Variants in HMCN2 observed in about 807,000 individuals in gnomAD.
The protein encoded by HMCN2 is hemicentin-2.
HMCN2 carries 325 observed loss-of-function variants against 377.5 expected under a neutral mutation model. That is an observed-to-expected ratio of 0.86 (90% CI 0.79 to 0.94). The LOEUF is 0.94. HMCN2 is among the 40% of genes least tolerant of loss of function. The pLI is 0.00. For missense variants in HMCN2, 4,543 were observed against 4,725.3 expected, an observed-to-expected ratio of 0.96 and a Z score of 1.13; for synonymous variants, 2,007 against 2,046.8, an observed-to-expected ratio of 0.98 and a Z score of 0.53.
intron 15 of HMCN2, among the ~76,000 whole-genome samples, chr9:130,312,610 TTCTTTC>T (rs1375624373): frequency 1.1e-4 from 11 of 99,188 alleles, no homozygotes; most frequent in South Asian, 4.4e-4. Flanking sequence ...CTTTCTTTCT[TTCTTTC>T]TCTGTCTCTC....
At chr9:130,395,428 AG>A in intron 71 of HMCN2, 81 bp downstream of exon 71, 1 of 1,178,026 alleles carries the variant, frequency 8.5e-7, no homozygotes, top group Non-Finnish European at 1.1e-6. Flanking sequence ...TCCAAGATCC[AG>A]AGCGGGTGCC....
intron 16 of HMCN2, among the ~76,000 whole-genome samples, 170 bp from the exon 17 acceptor site, chr9:130,320,186 A>C (rs963749407): frequency 2.6e-5 from 4 of 152,194 alleles, no homozygotes; most frequent in Non-Finnish European, 5.9e-5. Flanking sequence ...TCCAAGGTCC[A>C]GCGGTGTCCC....
intron 15 of HMCN2, among the ~76,000 whole-genome samples, chr9:130,317,772 C>G (rs1026116852): frequency 1.4e-5 from 2 of 141,864 alleles, no homozygotes; most frequent in Non-Finnish European, 3.1e-5. Flanking sequence ...GGCGACAGAG[C>G]GAGACTCTGT....
chr9:130,299,393 G>A, intron 8 of HMCN2, 105 bp downstream of exon 8: 1 of 361,370 alleles, frequency 2.8e-6, no homozygotes. Context: ...ATTAGAAAGT[G>A]TTTGTTCATT....
At chr9:130,315,191 TCCC>T (rs1837472676) in intron 15 of HMCN2, among the ~76,000 whole-genome samples, 1 of 5,482 alleles carries the variant, frequency 1.8e-4, no homozygotes, top group Non-Finnish European at 3.5e-4. Context: ...CCTTCCTCCC[TCCC>T]TCCCCTCCCT....
intron 25 of HMCN2, among the ~76,000 whole-genome samples, chr9:130,342,769 G>A (rs1470487777): frequency 2.0e-5 from 3 of 152,130 alleles, no homozygotes; most frequent in Admixed American, 6.5e-5. Flanking sequence ...GGCTGAGGCA[G>A]CCCGGGGTCC....
chr9:130,405,675 G>A (rs573647547), intron 81 of HMCN2, among the ~76,000 whole-genome samples: 1 of 152,260 alleles, frequency 6.6e-6, no homozygotes, highest in Non-Finnish European at 1.5e-5. Flanking sequence ...TGCAGGTCAA[G>A]TTCTGAGGAC....
rs917687112 is a variant in HMCN2, at chr9:130,361,837, A to G, written c.5951-171A>G. ...GAAGCCTCATGGTGGTGTTGAAAGG[A>G]TGGAAGTAGCAGCCTTGGGGGCAGT... On this transcript the variant is annotated intron_variant, in intron 38 of 97. Coordinates refer to ENST00000683500, the MANE Select transcript of HMCN2 (RefSeq NM_001291815.2). This position sits in a 1 kb window ranked among gnomAD's most constrained non-coding sequence, Gnocchi z 4.8. 1.3e-5 allele frequency among the ~76,000 whole-genome samples: 2 copies of G among 152,092 alleles called. No individual in the cohort carries two copies. Among genetic ancestry groups the G allele is most frequent in the African/African-American group, 4.8e-5 (2 of 41,392 alleles).
intron 89 of HMCN2, among the ~76,000 whole-genome samples, 161 bp from the exon 90 acceptor site, chr9:130,425,526 C>T (rs1045253504): frequency 6.6e-6 from 1 of 151,232 alleles, no homozygotes. Flanking sequence ...CCAAGGCTCA[C>T]CCCATCTTCT....
chr9:130,266,645 G>A (rs945262080), intron 1 of HMCN2, among the ~76,000 whole-genome samples: 6 of 152,224 alleles, frequency 3.9e-5, no homozygotes, highest in Non-Finnish European at 8.8e-5. Flanking sequence ...ACCCTGCAGT[G>A]GGGAGCGGAC....
In HMCN2 at chr9:130,338,015, G is replaced by C. The variant is rs1276470110; in HGVS notation, c.3481G>C (p.Val1161Leu). The C allele has an allele frequency of 2.6e-5, 4 of 152,584 alleles. No individual in the cohort carries two copies. Among genetic ancestry groups the C allele is most frequent in the Non-Finnish European group, 2.9e-5 (2 of 68,332 alleles). 9.5% of individuals were successfully genotyped at this position (152,584 alleles called of 1,614,324 possible). The change falls in exon 23 of 98, where the codon GTG becomes CTG. Residue 1161 changes from valine to leucine, a missense_variant. Transcript: ENST00000683500. ...CGCCTCCCATCGCTACGTCCTTGGG[G>C]TGCAAGGTAGGACCAGCTGGCAGCC... The part of the protein sequence containing the change: ...GSASHRYVLG[V>L]QVPPQVQPGP...
intron 46 of HMCN2, among the ~76,000 whole-genome samples, chr9:130,372,037 T>A (rs1268549062): frequency 6.6e-6 from 1 of 152,168 alleles, no homozygotes; most frequent in African/African-American, 2.4e-5. Context: ...GAGCCAGGGG[T>A]GGCCAGGGTG....
chr9:130,287,125 C>T (rs782756738), intron 4 of HMCN2, among the ~76,000 whole-genome samples: 34 of 152,124 alleles, frequency 2.2e-4, no homozygotes, highest in African/African-American at 4.6e-4. Flanking sequence ...CTCAGCTTTC[C>T]GGAGCCTACA....
intron 15 of HMCN2, 85 bp downstream of exon 15, chr9:130,310,146 T>C: frequency 2.4e-6 from 1 of 418,096 alleles, no homozygotes; most frequent in Non-Finnish European, 4.9e-6. Flanking sequence ...GGGGAAGCTC[T>C]CTCACACAAG....
At chr9:130,282,969 G>A (rs1226861836) in intron 1 of HMCN2, among the ~76,000 whole-genome samples, 1 of 152,200 alleles carries the variant, frequency 6.6e-6, no homozygotes, top group South Asian at 2.1e-4. Flanking sequence ...TACTCAGGGG[G>A]CTGAGGCAAG....
intron 45 of HMCN2, among the ~76,000 whole-genome samples, 171 bp from the exon 46 acceptor site, chr9:130,370,793 C>A (rs1840980434): frequency 6.6e-6 from 1 of 152,190 alleles, no homozygotes; most frequent in South Asian, 2.1e-4. Context: ...GCGCCATGGG[C>A]TCCCTCCTAG....
chr9:130,329,872 C>T (rs914604472), intron 22 of HMCN2, among the ~76,000 whole-genome samples: 130 of 152,112 alleles, frequency 8.5e-4, no homozygotes, highest in Admixed American at 1.8e-3. Context: ...CACCACACCC[C>T]CTCCGTCCCT....
rs191785722 is a variant in HMCN2 at position 130,269,045 on chromosome 9, C to T, written c.259+2908C>T. ...AACGGGTTGTAGCTGTTTGTTCCAG[C>T]TCCCAGAGCTGCACAGCGGGAGGGT... On this transcript the variant is annotated intron_variant, in intron 1 of 97. Coordinates refer to ENST00000683500, the MANE Select transcript of HMCN2 (RefSeq NM_001291815.2). Among the ~76,000 whole-genome samples the T allele has an allele frequency of 3.0e-3, 450 of 148,568 alleles. 8 individuals are homozygous for T. Among genetic ancestry groups the T allele is most frequent in the African/African-American group, 0.01 (419 of 41,248 alleles).
chr9:130,346,888 G>T (rs1839420731), intron 25 of HMCN2, among the ~76,000 whole-genome samples: 1 of 152,136 alleles, frequency 6.6e-6, no homozygotes, highest in Non-Finnish European at 1.5e-5. Context: ...CTGGGGACTT[G>T]CTGTGAAGAG....
Sources: allele counts gnomAD v4.1 joint callset (sites outside exome capture counted in the v4.1 genomes callset), GRCh38; gene constraint gnomAD v4.1.1; non-coding constraint Gnocchi (gnomAD v3.1); transcripts MANE v1.5; gene names NCBI Gene and HGNC (gene_info 2026-07-23, HGNC 2026-07-21).